FAM120A: variants seen among roughly 807,000 people sequenced by gnomAD.
The protein encoded by FAM120A is constitutive coactivator of PPAR-gamma-like protein 1.
Under a neutral mutation model 109.7 loss-of-function variants are expected in FAM120A, and 15 were observed. The ratio of observed to expected loss-of-function variants is 0.14; its 90% CI spans 0.09 to 0.21. FAM120A has a LOEUF of 0.21. Among genes scored for constraint, FAM120A ranks in the 10% least tolerant of loss-of-function variants. The pLI, the probability that FAM120A is intolerant of heterozygous loss-of-function variation, is 1.00. For synonymous variants in FAM120A, 493 were observed against 572.8 expected, an observed-to-expected ratio of 0.86 and a Z score of 1.99; for missense variants, 899 against 1,439.3, an observed-to-expected ratio of 0.62 and a Z score of 6.07.
At chr9:93,473,720 A>G in intron 2 of FAM120A, among the ~76,000 whole-genome samples, 1 of 152,254 alleles carries the variant, frequency 6.6e-6, no homozygotes, top group East Asian at 1.9e-4. Flanking sequence ...CTAATCTCAA[A>G]TACAGTGCTT....
chr9:93,505,200 A>G (rs937362261), intron 5 of FAM120A, among the ~76,000 whole-genome samples: 1 of 151,800 alleles, frequency 6.6e-6, no homozygotes, highest in East Asian at 1.9e-4. Context: ...AGCTGGGACT[A>G]CAGGCACTCG....
At chr9:93,550,731 A>T in intron 12 of FAM120A, 40 bp downstream of exon 12, 1 of 1,528,500 alleles carries the variant, frequency 6.5e-7, no homozygotes, top group Non-Finnish European at 9.0e-7. Context: ...GGACAGTCTC[A>T]CTTTGGATTT....
chr9:93,559,261 AT>A (rs1862397002), intron 15 of FAM120A, among the ~76,000 whole-genome samples: 1 of 152,236 alleles, frequency 6.6e-6, no homozygotes, highest in Non-Finnish European at 1.5e-5. Flanking sequence ...GGGTCTTAAC[AT>A]TTAGCATAGG....
intron 10 of FAM120A, among the ~76,000 whole-genome samples, chr9:93,533,202 G>A (rs1861395300): frequency 2.0e-5 from 3 of 152,176 alleles, no homozygotes; most frequent in Non-Finnish European, 2.9e-5. Flanking sequence ...TTTGTGTGGT[G>A]GGTCAATGCA....
At chr9:93,468,039 G>A (rs1464230775) in intron 1 of FAM120A, among the ~76,000 whole-genome samples, 4 of 151,906 alleles carry the variant, frequency 2.6e-5, no homozygotes, top group African/African-American at 4.8e-5. Context: ...CCGCCACCAC[G>A]CCTGGCTAAT....
Position 93,456,480 on chromosome 9 carries a change from A to G in FAM120A, c.474+4091A>G, listed in dbSNP as rs1857552841. On this transcript the variant is annotated intron_variant, in intron 1 of 17. Transcript: ENST00000277165. Reference sequence around the variant, plus strand: ...TAGAATTTTCATGGTTAGCATAATTACATGTTTGTATTTAGAGATGATGGT... The same window carrying G: ...TAGAATTTTCATGGTTAGCATAATTGCATGTTTGTATTTAGAGATGATGGT... 2.0e-5 allele frequency among the ~76,000 whole-genome samples: 3 copies of G among 152,366 alleles called. No homozygotes were observed. The South Asian group carries it at 6.2e-4, about 32-fold the overall frequency.
chr9:93,453,462 C>G (rs1171193813), intron 1 of FAM120A: 2 of 985,322 alleles, frequency 2.0e-6, no homozygotes. Context: ...TAGCTCTTGA[C>G]ACTCGGTCTT....
At chr9:93,520,531 G>A (rs1860801816) in intron 7 of FAM120A, among the ~76,000 whole-genome samples, 1 of 152,292 alleles carries the variant, frequency 6.6e-6, no homozygotes, top group African/African-American at 2.4e-5. Flanking sequence ...ATAAAATGTG[G>A]TGGGCGGTTA....
chr9:93,486,607 C>G (rs1011066845), intron 3 of FAM120A, among the ~76,000 whole-genome samples: 6 of 149,372 alleles, frequency 4.0e-5, no homozygotes, highest in Non-Finnish European at 7.4e-5. Flanking sequence ...GATCTTGGCT[C>G]TCTGCAACCT....
chr9:93,527,572 C>T (rs930061418), intron 8 of FAM120A, among the ~76,000 whole-genome samples: 7 of 151,402 alleles, frequency 4.6e-5, no homozygotes, highest in Admixed American at 4.6e-4. Context: ...ACTCCCCCAC[C>T]CCCCTTTTTT....
rs528194546 is a variant in FAM120A at position 93,460,351 on chromosome 9, C to CT, written c.474+7970dup. On this transcript the variant is annotated intron_variant, in intron 1 of 17. Coordinates refer to ENST00000277165, the MANE Select transcript of FAM120A (RefSeq NM_014612.5). ...TAGTTCATCGTTTATTTCCTTTTCG[C>CT]TTTTTTTTGAGATGAAGTCTCACTC... Among the ~76,000 whole-genome samples, 744 of 151,900 alleles carry CT rather than the reference C, an allele frequency of 4.9e-3. 7 individuals carry two copies. Among genetic ancestry groups the CT allele is most frequent in the African/African-American group, 0.017 (702 of 41,392 alleles).
chr9:93,463,680 T>A lies in FAM120A; in HGVS notation c.475-7461T>A, dbSNP rs1857891597. 2.6e-5 allele frequency among the ~76,000 whole-genome samples: 4 copies of A among 152,346 alleles called. No individual in the cohort carries two copies. The South Asian group carries it at 8.3e-4, about 32-fold the overall frequency. On this transcript the variant is annotated intron_variant, in intron 1 of 17. Coordinates refer to ENST00000277165, the MANE Select transcript of FAM120A (RefSeq NM_014612.5). ...AAACAAAATAATTTAGGTGGACCTATACGCTCTTATGTCAGGTTGTTTTAT... is the reference window on the plus strand; with the variant it reads ...AAACAAAATAATTTAGGTGGACCTAAACGCTCTTATGTCAGGTTGTTTTAT...
At chr9:93,486,890 A>G (rs920309440) in intron 3 of FAM120A, among the ~76,000 whole-genome samples, 17 of 152,190 alleles carry the variant, frequency 1.1e-4, no homozygotes, top group Admixed American at 3.3e-4. Flanking sequence ...TGCACAGTTT[A>G]CATTCCCCCC....
At chr9:93,558,843 G>A in intron 15 of FAM120A, 125 bp downstream of exon 15, 5 of 1,128,364 alleles carry the variant, frequency 4.4e-6, no homozygotes, top group Non-Finnish European at 6.3e-6. Context: ...CTTTCTTCTG[G>A]GTCCCCGCTC....
chr9:93,458,769 C>T (rs986020658), intron 1 of FAM120A, among the ~76,000 whole-genome samples: 1 of 152,112 alleles, frequency 6.6e-6, no homozygotes, highest in Non-Finnish European at 1.5e-5. Flanking sequence ...TGCACCTACC[C>T]CCGCGCCCCA....
chr9:93,532,091 G>A lies in FAM120A; in HGVS notation c.1735-64G>A, dbSNP rs1861351635. The A allele has an allele frequency of 7.0e-7, 1 of 1,431,060 alleles. No homozygotes were observed. Among genetic ancestry groups the A allele is most frequent in the Non-Finnish European group, 9.8e-7 (1 of 1,023,014 alleles). The allele number at this position is 1,431,060 out of a possible 1,614,324, so 88.6% of individuals were successfully genotyped here. ...ACTGGAGATAATACAGTATATTTCT[G>A]TGAGTGTATTGTAAATTCAACATGA... On this transcript the variant is annotated intron_variant, in intron 9 of 17. Coordinates refer to ENST00000277165, the MANE Select transcript of FAM120A (RefSeq NM_014612.5). The surrounding 1 kb of genome is among the most constrained non-coding windows in gnomAD (Gnocchi z 4.3).
intron 5 of FAM120A, among the ~76,000 whole-genome samples, chr9:93,513,208 G>T (rs567019995): frequency 6.6e-6 from 1 of 152,330 alleles, no homozygotes; most frequent in African/African-American, 2.4e-5. Flanking sequence ...AGAATCACCT[G>T]TGAACAGTTT....
chr9:93,517,499 A>C (rs1270497061), intron 7 of FAM120A, among the ~76,000 whole-genome samples: 6 of 152,204 alleles, frequency 3.9e-5, no homozygotes, highest in Non-Finnish European at 7.3e-5. Context: ...ATGGTCTTGG[A>C]AGCCCTTATG....
intron 5 of FAM120A, among the ~76,000 whole-genome samples, chr9:93,505,262 A>G (rs547390942): frequency 5.3e-5 from 8 of 151,928 alleles, no homozygotes; most frequent in South Asian, 4.2e-4. Context: ...GGGTTTCACA[A>G]TGCTAGCCAA....
Sources: gnomAD v4.1 joint callset for allele counts (sites outside exome capture counted in the v4.1 genomes callset) on GRCh38, gnomAD v4.1.1 for gene constraint, Gnocchi (gnomAD v3.1) non-coding constraint, MANE v1.5 for transcripts, NCBI Gene and HGNC (gene_info 2026-07-23, HGNC 2026-07-21) for gene names.